The following MARCHF1 variants were observed in gnomAD, a reference collection of about 807,000 sequenced individuals.
MARCHF1 encodes the protein E3 ubiquitin-protein ligase MARCHF1.
MARCHF1 carries 40 observed loss-of-function variants against 54.2 expected under a neutral mutation model. The ratio of observed to expected loss-of-function variants is 0.74; its 90% CI spans 0.57 to 0.96. The LOEUF (loss-of-function observed/expected upper bound fraction) is 0.96, where lower values mean the gene tolerates loss of function less well. Among genes scored for constraint, MARCHF1 ranks in the 40% least tolerant of loss-of-function variants. The probability of loss-of-function intolerance (pLI) is 0.00; values close to 1 mark genes in which losing one functional copy is unlikely to be tolerated. For missense variants in MARCHF1, 586 were observed against 656.5 expected, an observed-to-expected ratio of 0.89 and a Z score of 1.17; for synonymous variants, 236 against 236.3, an observed-to-expected ratio of 1.00 and a Z score of 0.01.
chr4:163,552,901 C>T (rs1431277707), intron 8 of MARCHF1, among the ~76,000 whole-genome samples: 3 of 152,012 alleles, frequency 2.0e-5, no homozygotes, highest in Admixed American at 6.5e-5. Flanking sequence ...GGCATGGTGG[C>T]GGGCGCCTGT....
intron 4 of MARCHF1, among the ~76,000 whole-genome samples, chr4:163,828,144 C>A (rs75061103): frequency 0.014 from 2,120 of 151,758 alleles, 59 homozygotes; most frequent in African/African-American, 0.049. Context: ...TAAAAATGTT[C>A]TTTGTTTAAT....
intron 7 of MARCHF1, among the ~76,000 whole-genome samples, chr4:163,591,164 A>G (rs1740580955): frequency 6.6e-6 from 1 of 151,894 alleles, no homozygotes; most frequent in African/African-American, 2.4e-5. Context: ...ATAACAGTCT[A>G]CTAAAAGTAG....
At chr4:164,140,697 T>G (rs1756510752) in intron 1 of MARCHF1, among the ~76,000 whole-genome samples, 1 of 152,138 alleles carries the variant, frequency 6.6e-6, no homozygotes, top group Non-Finnish European at 1.5e-5. Context: ...ATTTCCTTTC[T>G]GTGCAGCAAG....
chr4:164,278,839 C>T (rs980909861), intron 1 of MARCHF1, among the ~76,000 whole-genome samples: 2 of 152,094 alleles, frequency 1.3e-5, no homozygotes, highest in Non-Finnish European at 2.9e-5. Context: ...TTCACACCAT[C>T]TGATTATTGT....
Position 164,050,707 on chromosome 4 carries a change from C to T in MARCHF1, c.-248+60881G>A, listed in dbSNP as rs527561218. On this transcript the variant is annotated intron_variant, in intron 2 of 9. Transcript: ENST00000514618. Reference sequence around the variant, plus strand: ...CCGCAAGTTGGGAGGCTAAGGCGGGCGGATCACCTGAGGTCAGGAGTTCGA... The same window carrying T: ...CCGCAAGTTGGGAGGCTAAGGCGGGTGGATCACCTGAGGTCAGGAGTTCGA... Among the ~76,000 whole-genome samples the T allele has an allele frequency of 8.5e-4, 129 of 152,104 alleles. 1 individual carries two copies. Among genetic ancestry groups the T allele is most frequent in the Admixed American group, 1.8e-3 (27 of 15,258 alleles).
intron 5 of MARCHF1, among the ~76,000 whole-genome samples, chr4:163,690,029 G>A (rs1314843389): frequency 6.6e-6 from 1 of 152,014 alleles, no homozygotes; most frequent in African/African-American, 2.4e-5. Context: ...GTTTTTGGGA[G>A]CCTGTACTTG....
chr4:163,711,728 T>A (rs1435533508), intron 4 of MARCHF1, among the ~76,000 whole-genome samples: 1 of 152,216 alleles, frequency 6.6e-6, no homozygotes, highest in Non-Finnish European at 1.5e-5. Context: ...TTTTCAAGAC[T>A]ATGGGTGACA....
intron 1 of MARCHF1, among the ~76,000 whole-genome samples, chr4:164,177,516 ATT>A (rs11317629): frequency 0.03 from 4,495 of 150,944 alleles, 115 homozygotes; most frequent in African/African-American, 0.058. Flanking sequence ...CTCAATATAG[ATT>A]TTTTTTTTTC....
chr4:163,991,668 A>T (rs1208890546), intron 2 of MARCHF1, among the ~76,000 whole-genome samples: 1 of 152,208 alleles, frequency 6.6e-6, no homozygotes, highest in Non-Finnish European at 1.5e-5. Flanking sequence ...GCTCAGCTGC[A>T]TCTACATATG....
At chr4:164,242,522 T>C (rs1272509564) in intron 1 of MARCHF1, among the ~76,000 whole-genome samples, 52 of 149,846 alleles carry the variant, frequency 3.5e-4, no homozygotes, top group African/African-American at 5.2e-4. Flanking sequence ...ACCACAAAGA[T>C]GGGGAAAAAA....
rs187951388 is a variant in MARCHF1 at position 164,241,961 on chromosome 4, T to C, written c.-322-130299A>G. Among the ~76,000 whole-genome samples, 451 of 152,310 alleles carry C rather than the reference T, an allele frequency of 3.0e-3. 1 individual carries two copies. Among genetic ancestry groups the C allele is most frequent in the Non-Finnish European group, 4.9e-3 (331 of 68,014 alleles). ...GCACCACGAGATTATATCCCACACC[T>C]GGCTCGGAGGGTCCTATGCCCACGG... On this transcript the variant is annotated intron_variant, in intron 1 of 9. Transcript: ENST00000514618.
chr4:164,007,670 G>C lies in MARCHF1; in HGVS notation c.-247-18961C>G, dbSNP rs1227575007. On this transcript the variant is annotated intron_variant, in intron 2 of 9. Transcript: ENST00000514618. ...TCTGTGTGTGTGTGTGTGTGTGTGT[G>C]TGTGTGTGTGTGTGTGTGTTTGCCC... Among the ~76,000 whole-genome samples, 162 of 151,852 alleles carry C rather than the reference G, an allele frequency of 1.1e-3. 1 individual carries two copies. Among genetic ancestry groups the C allele is most frequent in the Non-Finnish European group, 2.1e-3 (145 of 67,896 alleles).
At chr4:163,929,953 T>TA (rs1751624855) in intron 3 of MARCHF1, among the ~76,000 whole-genome samples, 1 of 17,894 alleles carries the variant, frequency 5.6e-5, no homozygotes, top group African/African-American at 1.9e-4. Flanking sequence ...ATATTATATA[T>TA]ATTATATATA....
chr4:163,816,277 ATACAGTCC>A (rs1388796233), intron 4 of MARCHF1, among the ~76,000 whole-genome samples: 3 of 152,206 alleles, frequency 2.0e-5, no homozygotes, highest in Non-Finnish European at 4.4e-5. Flanking sequence ...ATTACTTTTC[ATACAGTCC>A]TATGTGAACT....
chr4:164,127,367 C>T (rs950098055), intron 1 of MARCHF1, among the ~76,000 whole-genome samples: 1 of 152,114 alleles, frequency 6.6e-6, no homozygotes, highest in African/African-American at 2.4e-5. Context: ...AAATGCTCAG[C>T]CTGTCCATGT....
At chr4:164,044,544 T>C (rs371023583) in intron 2 of MARCHF1, among the ~76,000 whole-genome samples, 1 of 152,044 alleles carries the variant, frequency 6.6e-6, no homozygotes, top group East Asian at 1.9e-4. Flanking sequence ...TTTGGGTGTG[T>C]ACACAAATCC....
chr4:164,029,330 G>C (rs938232206), intron 2 of MARCHF1, among the ~76,000 whole-genome samples: 1 of 152,026 alleles, frequency 6.6e-6, no homozygotes, highest in Non-Finnish European at 1.5e-5. Context: ...AGGAGGGAGA[G>C]AGAGAGCAGG....
At chr4:163,891,219 C>T (rs1033367352) in intron 3 of MARCHF1, among the ~76,000 whole-genome samples, 2 of 152,002 alleles carry the variant, frequency 1.3e-5, no homozygotes, top group African/African-American at 4.8e-5. Context: ...TATATTTTCA[C>T]TCTGAGAAGG....
intron 1 of MARCHF1, among the ~76,000 whole-genome samples, chr4:164,284,334 C>CAGAG (rs139533400): frequency 0.019 from 2,226 of 117,580 alleles, 101 homozygotes; most frequent in African/African-American, 0.074. Context: ...GAGAGAGAGA[C>CAGAG]AGAGAGAGAG....
Sources: allele counts gnomAD v4.1 joint callset (sites outside exome capture counted in the v4.1 genomes callset), GRCh38; gene constraint gnomAD v4.1.1; transcripts MANE v1.5; gene names NCBI Gene and HGNC (gene_info 2026-07-23, HGNC 2026-07-21).